CDH18: variants seen among roughly 807,000 people sequenced by gnomAD.
CDH18 encodes cadherin-18.
In CDH18, 31 loss-of-function variants were observed where a neutral mutation model predicts 67.9. The observed-to-expected ratio is 0.46, with a 90% CI of 0.34 to 0.62. The LOEUF (loss-of-function observed/expected upper bound fraction) is 0.62, where lower values mean the gene tolerates loss of function less well. Among genes scored for constraint, CDH18 ranks in the 20% least tolerant of loss-of-function variants. CDH18 has a pLI of 0.01. For synonymous variants in CDH18, 362 were observed against 347.2 expected (o/e 1.04, Z -0.48); for missense variants, 890 against 975.5 (o/e 0.91, Z 1.17).
intron 1 of CDH18, among the ~76,000 whole-genome samples, chr5:20,429,791 A>C (rs1469089963): frequency 6.6e-6 from 1 of 152,224 alleles, no homozygotes; most frequent in Non-Finnish European, 1.5e-5. Context: ...AACCTCAGGT[A>C]ATAGTGTCAT....
At chr5:19,785,572 T>G (rs1775615348) in intron 3 of CDH18, among the ~76,000 whole-genome samples, 2 of 144,118 alleles carry the variant, frequency 1.4e-5, no homozygotes, top group African/African-American at 2.6e-5. Context: ...GAGAATCGCT[T>G]GAACTCATGA....
chr5:19,860,885 G>T lies in CDH18; in HGVS notation c.-256-21643C>A, dbSNP rs940738895. Among the ~76,000 whole-genome samples the T allele has an allele frequency of 2.0e-5, 3 of 152,006 alleles. No individual in the cohort carries two copies. In the Middle Eastern group the frequency reaches 0.01, roughly 521 times the overall value. On this transcript the variant is annotated intron_variant, in intron 2 of 12. Coordinates refer to ENST00000382275, the MANE Select transcript of CDH18 (RefSeq NM_004934.5). ...GAAGAAATTGTTTCCTAAATTACTT[G>T]TTTCTTTTTCACTCATAATTGTCTC...
In CDH18 at chr5:19,937,621, T is replaced by C. The variant is rs952291025; in HGVS notation, c.-257+43439A>G. Among the ~76,000 whole-genome samples the C allele has an allele frequency of 3.9e-4, 59 of 151,418 alleles. 1 individual carries two copies. Among genetic ancestry groups the C allele is most frequent in the South Asian group, 1.5e-3 (7 of 4,824 alleles). On this transcript the variant is annotated intron_variant, in intron 2 of 12. Transcript: ENST00000382275. ...ATACACAGAAACACACAATGTACAA[T>C]TTCAAAGAAAGTATAACCGAACAAT... is the stretch of plus-strand genomic sequence containing the variant.
At chr5:19,526,704 T>G (rs1747798898) in intron 9 of CDH18, among the ~76,000 whole-genome samples, 1 of 152,082 alleles carries the variant, frequency 6.6e-6, no homozygotes, top group African/African-American at 2.4e-5. Context: ...AGTGTATGCC[T>G]TCTAGGGAAT....
intron 3 of CDH18, among the ~76,000 whole-genome samples, chr5:19,771,218 G>A (rs1773690582): frequency 6.6e-6 from 1 of 152,180 alleles, no homozygotes; most frequent in Admixed American, 6.5e-5. Context: ...GTCTTTTTGA[G>A]TTTGGGTGGG....
chr5:20,074,822 T>G (rs2150530707), intron 2 of CDH18, among the ~76,000 whole-genome samples: 1 of 152,244 alleles, frequency 6.6e-6, no homozygotes, highest in African/African-American at 2.4e-5. Flanking sequence ...GCTAGAGTTC[T>G]TTGGGCATTA....
chr5:20,113,456 C>A (rs1204869533), intron 2 of CDH18, among the ~76,000 whole-genome samples: 2 of 152,090 alleles, frequency 1.3e-5, no homozygotes, highest in East Asian at 3.9e-4. Flanking sequence ...AACAACAAAC[C>A]ACTTCACACT....
intron 11 of CDH18, among the ~76,000 whole-genome samples, chr5:19,484,152 T>C (rs1430529330): frequency 6.6e-6 from 1 of 152,228 alleles, no homozygotes; most frequent in Non-Finnish European, 1.5e-5. Flanking sequence ...TTTAAAAATG[T>C]GTTTATTAAA....
chr5:20,254,224 T>C (rs1744064354), intron 2 of CDH18, among the ~76,000 whole-genome samples: 1 of 152,202 alleles, frequency 6.6e-6, no homozygotes, highest in Admixed American at 6.5e-5. Context: ...GTGATTCTTC[T>C]GCCTCAGCCT....
At chr5:19,994,252 CAT>C (rs1214622846) in intron 2 of CDH18, among the ~76,000 whole-genome samples, 1 of 147,018 alleles carries the variant, frequency 6.8e-6, no homozygotes. Flanking sequence ...CACATATACA[CAT>C]ATATACACAT....
chr5:20,214,433 C>T (rs1167486593), intron 2 of CDH18, among the ~76,000 whole-genome samples: 1 of 152,034 alleles, frequency 6.6e-6, no homozygotes, highest in Non-Finnish European at 1.5e-5. Context: ...TACTCAACTT[C>T]AAGCTATACT....
At chr5:19,718,365 C>T (rs1437672273) in intron 5 of CDH18, among the ~76,000 whole-genome samples, 2 of 151,968 alleles carry the variant, frequency 1.3e-5, no homozygotes, top group African/African-American at 4.8e-5. Flanking sequence ...TATTAATATA[C>T]ACCATTATAA....
At chr5:19,696,403 G>A (rs1157213388) in intron 5 of CDH18, among the ~76,000 whole-genome samples, 3 of 151,850 alleles carry the variant, frequency 2.0e-5, no homozygotes, top group Non-Finnish European at 4.4e-5. Context: ...CGGGTGTGGT[G>A]GCACAACCTG....
chr5:20,294,222 A>C (rs1747319058), intron 1 of CDH18, among the ~76,000 whole-genome samples: 1 of 152,178 alleles, frequency 6.6e-6, no homozygotes, highest in Non-Finnish European at 1.5e-5. Context: ...CAAAGTAGTT[A>C]CTTTGTTTAA....
intron 5 of CDH18, among the ~76,000 whole-genome samples, chr5:19,648,920 T>C (rs1428473711): frequency 6.6e-6 from 1 of 152,084 alleles, no homozygotes; most frequent in African/African-American, 2.4e-5. Context: ...GTGACTCTGG[T>C]TGTATATTCT....
intron 2 of CDH18, among the ~76,000 whole-genome samples, chr5:20,179,434 C>T (rs750673988): frequency 7.9e-5 from 12 of 152,172 alleles, no homozygotes; most frequent in Non-Finnish European, 1.5e-4. Flanking sequence ...AAGTAAACTG[C>T]GAAGTACTTA....
intron 4 of CDH18, among the ~76,000 whole-genome samples, chr5:19,733,459 C>T (rs1276791461): frequency 1.3e-5 from 2 of 152,144 alleles, no homozygotes; most frequent in African/African-American, 4.8e-5. Context: ...CAACCCAACT[C>T]TCCCATCTCT....
chr5:19,515,694 T>C (rs932478148), intron 10 of CDH18, among the ~76,000 whole-genome samples: 4 of 152,204 alleles, frequency 2.6e-5, no homozygotes, highest in South Asian at 2.1e-4. Context: ...TTTTGCACAT[T>C]GATTTTGTAT....
At chr5:19,635,720 G>T (rs1457322645) in intron 5 of CDH18, among the ~76,000 whole-genome samples, 1 of 151,938 alleles carries the variant, frequency 6.6e-6, no homozygotes. Flanking sequence ...CATCTGACTA[G>T]GTATCCATTT....
Sources: allele counts gnomAD v4.1 joint callset (sites outside exome capture counted in the v4.1 genomes callset), GRCh38; gene constraint gnomAD v4.1.1; transcripts MANE v1.5; gene names NCBI Gene and HGNC (gene_info 2026-07-23, HGNC 2026-07-21).